Variants in SENP1 observed in about 807,000 individuals in gnomAD.
SENP1 encodes the protein sentrin-specific protease 1.
SENP1 carries 21 observed loss-of-function variants against 93.0 expected under a neutral mutation model. The ratio of observed to expected loss-of-function variants is 0.23; its 90% CI spans 0.16 to 0.33. The LOEUF is 0.33. Ranked by LOEUF, SENP1 falls within the 10% of genes least tolerant of loss-of-function variation. The pLI is 1.00. For synonymous variants in SENP1, 256 were observed against 259.6 expected, an observed-to-expected ratio of 0.99 and a Z score of 0.13; for missense variants, 591 against 758.7, an observed-to-expected ratio of 0.78 and a Z score of 2.60.
intron 9 of SENP1, among the ~76,000 whole-genome samples, chr12:48,067,789 A>G (rs1324612541): frequency 6.6e-6 from 1 of 151,948 alleles, no homozygotes; most frequent in African/African-American, 2.4e-5. Context: ...CCTGGGCAAC[A>G]TAGTGAGATT....
In SENP1 at chr12:48,083,767, A is replaced by T. The variant is rs2137140028; in HGVS notation, c.381-5T>A. ...GCAAAACTGTTTGATAATCCACTAAAAAAAGAGTTTGTAAGAAAGATAAGA... is the reference window on the plus strand; with the variant it reads ...GCAAAACTGTTTGATAATCCACTAATAAAAGAGTTTGTAAGAAAGATAAGA... On this transcript the variant is annotated splice_region_variant and splice_polypyrimidine_tract_variant and intron_variant, in intron 5 of 17. Transcript: ENST00000549518. The T allele has an allele frequency of 6.3e-7, 1 of 1,587,826 alleles. No homozygotes were observed. The highest frequency in any genetic ancestry group is 1.2e-5 in the South Asian group (1 of 85,732).
chr12:48,049,164 A>C (rs754405211), intron 13 of SENP1, 32 bp from the exon 14 acceptor site: 2 of 1,539,156 alleles, frequency 1.3e-6, no homozygotes, highest in Admixed American at 3.4e-5. Flanking sequence ...ATTAGAATAG[A>C]CACTCAGGCC....
chr12:48,082,499 C>T (rs77467185), intron 6 of SENP1, among the ~76,000 whole-genome samples: 8,958 of 152,202 alleles, frequency 0.059, 355 homozygotes, highest in Non-Finnish European at 0.093. Flanking sequence ...CTCATCTCTA[C>T]CTATTTTGCT....
chr12:48,076,638 T>TTG (rs1944103346), intron 6 of SENP1, among the ~76,000 whole-genome samples: 2 of 141,880 alleles, frequency 1.4e-5, no homozygotes, highest in East Asian at 2.3e-4. Flanking sequence ...AATATGTAGT[T>TTG]TTTGCTTTTT....
chr12:48,081,170 T>C (rs751852082), intron 6 of SENP1: 10 of 152,130 alleles, frequency 6.6e-5, no homozygotes, highest in African/African-American at 1.9e-4. Context: ...TGCTGTTGTC[T>C]CCTCCACAAA....
intron 6 of SENP1, among the ~76,000 whole-genome samples, chr12:48,077,844 G>A (rs1044789190): frequency 6.6e-6 from 1 of 151,996 alleles, no homozygotes; most frequent in East Asian, 1.9e-4. Flanking sequence ...TAGCTTGGTA[G>A]TATAGTTTGA....
intron 13 of SENP1, chr12:48,055,234 C>A: frequency 5.7e-6 from 1 of 174,950 alleles, no homozygotes; most frequent in South Asian, 1.2e-4. Flanking sequence ...ACGACACTTT[C>A]CAAACGGCGA....
chr12:48,078,039 A>T (rs1481053279), intron 6 of SENP1, among the ~76,000 whole-genome samples: 1 of 151,878 alleles, frequency 6.6e-6, no homozygotes, highest in Admixed American at 6.6e-5. Flanking sequence ...AACAATATTA[A>T]TTCTTCCAAT....
At chr12:48,054,423 CTTTT>C (rs1378120237) in intron 13 of SENP1, among the ~76,000 whole-genome samples, 1 of 152,124 alleles carries the variant, frequency 6.6e-6, no homozygotes, top group African/African-American at 2.4e-5. Flanking sequence ...TAATAAGTCA[CTTTT>C]TTGAGTCATG....
chr12:48,099,027 T>C (rs1248534460), intron 2 of SENP1: 1 of 151,918 alleles, frequency 6.6e-6, no homozygotes, highest in African/African-American at 2.4e-5. Context: ...ATTTAAAGCT[T>C]TAAAAATAAC....
At chr12:48,096,826 C>T (rs1945598133) in intron 3 of SENP1, among the ~76,000 whole-genome samples, 1 of 152,036 alleles carries the variant, frequency 6.6e-6, no homozygotes, top group Non-Finnish European at 1.5e-5. Context: ...GACTATAAGC[C>T]AGGTGCAGTG....
At chr12:48,071,453 T>C (rs1044502937) in intron 9 of SENP1, among the ~76,000 whole-genome samples, 9 of 151,986 alleles carry the variant, frequency 5.9e-5, no homozygotes, top group Admixed American at 5.9e-4. Flanking sequence ...CCATCTCTAC[T>C]AAAAATACAA....
chr12:48,059,184 A>G (rs1246108937), intron 13 of SENP1, among the ~76,000 whole-genome samples: 1 of 152,150 alleles, frequency 6.6e-6, no homozygotes, highest in Non-Finnish European at 1.5e-5. Flanking sequence ...TTCTTCAAAT[A>G]CTTTTTCTAA....
In SENP1 at chr12:48,079,456, G is replaced by A. The variant is rs111663844; in HGVS notation, c.552+4135C>T. 2.8e-3 allele frequency among the ~76,000 whole-genome samples: 432 copies of A among 152,198 alleles called. 4 individuals carry two copies. Among genetic ancestry groups the A allele is most frequent in the African/African-American group, 9.8e-3 (409 of 41,534 alleles). On this transcript the variant is annotated intron_variant, in intron 6 of 17. Transcript: ENST00000549518. The stretch of plus-strand genomic sequence containing the variant: ...GGAGGTTGCAGTGAGCCGAGATCGC[G>A]CCACTGCACTCCAGCTGGGGCAAGA...
intron 13 of SENP1, among the ~76,000 whole-genome samples, chr12:48,063,325 T>C (rs1467628950): frequency 2.0e-5 from 3 of 152,196 alleles, no homozygotes; most frequent in African/African-American, 4.8e-5. Flanking sequence ...GAAGTAAAAC[T>C]GGATTCCTAT....
chr12:48,105,016 A>G lies in SENP1; in HGVS notation c.-45+1012T>C, dbSNP rs141393801. 558 of 171,764 alleles carry G rather than the reference A, an allele frequency of 3.2e-3. 3 individuals are homozygous for G. Among genetic ancestry groups the G allele is most frequent in the African/African-American group, 0.013 (530 of 42,150 alleles). 10.6% of individuals were successfully genotyped at this position (171,764 alleles called of 1,614,324 possible). A position where few individuals can be genotyped will look rare whatever the true frequency, so the allele number is the denominator to read the frequency against. On this transcript the variant is annotated intron_variant, in intron 1 of 17. Transcript: ENST00000549518. ...TAACTGTAATTTCAAAGTCAGGGTAATCTGTATTTCAACATGAGTCCTTAA... is the reference window on the plus strand; with the variant it reads ...TAACTGTAATTTCAAAGTCAGGGTAGTCTGTATTTCAACATGAGTCCTTAA...
intron 6 of SENP1, among the ~76,000 whole-genome samples, chr12:48,083,257 G>A (rs1944612264): frequency 6.6e-6 from 1 of 152,106 alleles, no homozygotes; most frequent in South Asian, 2.1e-4. Context: ...TTTTTCCATA[G>A]GAGACAACGG....
chr12:48,046,226 G>T, intron 17 of SENP1, 130 bp downstream of exon 17: 1 of 629,202 alleles, frequency 1.6e-6, no homozygotes, highest in Non-Finnish European at 2.9e-6. Context: ...TCAGTGTTAT[G>T]AATCATGGGC....
At position 48,056,948 on chromosome 12, in the gene SENP1, TATATA is replaced by T. The variant is rs1326996256; in HGVS notation, c.1407+6757_1407+6761del. ...ATTATTTAATATATTACATATTACA[TATATA>T]ATATATTATTTAATATATTACATAT... On this transcript the variant is annotated intron_variant, in intron 13 of 17. Coordinates refer to ENST00000549518, the MANE Select transcript of SENP1 (RefSeq NM_001267594.2). Among the ~76,000 whole-genome samples the T allele has an allele frequency of 3.1e-3, 143 of 45,944 alleles. 14 individuals are homozygous for T. Among genetic ancestry groups the T allele is most frequent in the Non-Finnish European group, 3.5e-3 (117 of 33,092 alleles). 30.1% of individuals were successfully genotyped at this position (45,944 alleles called of 152,430 possible). A position where few individuals can be genotyped will look rare whatever the true frequency, so the allele number is the denominator to read the frequency against.
Sources: allele counts gnomAD v4.1 joint callset (sites outside exome capture counted in the v4.1 genomes callset), GRCh38; gene constraint gnomAD v4.1.1; transcripts MANE v1.5; gene names NCBI Gene and HGNC (gene_info 2026-07-23, HGNC 2026-07-21).